The following KIAA1958 variants were observed in gnomAD, a reference collection of about 807,000 sequenced individuals.
The protein encoded by KIAA1958 is KIAA1958.
Under a neutral mutation model 47.2 loss-of-function variants are expected in KIAA1958, and 14 were observed. The ratio of observed to expected loss-of-function variants is 0.30; its 90% CI spans 0.20 to 0.46. The LOEUF (loss-of-function observed/expected upper bound fraction) is 0.46, where lower values mean the gene tolerates loss of function less well. Among genes scored for constraint, KIAA1958 ranks in the 20% least tolerant of loss-of-function variants. KIAA1958 has a pLI of 1.00. For missense variants in KIAA1958, 803 were observed against 909.2 expected, an observed-to-expected ratio of 0.88 and a Z score of 1.50; for synonymous variants, 354 against 353.3, an observed-to-expected ratio of 1.00 and a Z score of -0.02.
intron 1 of KIAA1958, among the ~76,000 whole-genome samples, chr9:112,506,274 G>C (rs543397861): frequency 2.8e-4 from 42 of 152,232 alleles, no homozygotes; most frequent in African/African-American, 1.0e-3. Context: ...GGCTAACACG[G>C]TGAAACCCCG....
chr9:112,505,048 A>G (rs61171613), intron 1 of KIAA1958, among the ~76,000 whole-genome samples: 20,349 of 152,022 alleles, frequency 0.13, 1,762 homozygotes, highest in East Asian at 0.23. Context: ...TGGTCCCCTC[A>G]CTCAACTTTC....
chr9:112,585,456 T>C (rs1360799936), intron 2 of KIAA1958, among the ~76,000 whole-genome samples: 3 of 152,158 alleles, frequency 2.0e-5, no homozygotes, highest in Non-Finnish European at 4.4e-5. Flanking sequence ...CCAGGAGAGT[T>C]GCTGCTGGAA....
intron 1 of KIAA1958, among the ~76,000 whole-genome samples, chr9:112,488,858 A>G (rs1813267348): frequency 6.6e-6 from 1 of 152,322 alleles, no homozygotes; most frequent in Non-Finnish European, 1.5e-5. Context: ...AAATTTATCT[A>G]GATTCTTGTC....
chr9:112,610,226 C>T (rs896931393), intron 2 of KIAA1958, among the ~76,000 whole-genome samples: 1 of 150,936 alleles, frequency 6.6e-6, no homozygotes, highest in African/African-American at 2.4e-5. Flanking sequence ...TGCAGATAAC[C>T]CAGTACTCAG....
In KIAA1958 at chr9:112,645,717, C is replaced by T; in HGVS notation, c.1239C>T (p.Thr413=). 1 of 1,613,578 alleles carries T rather than the reference C, an allele frequency of 6.2e-7. No homozygotes were observed. The highest frequency in any genetic ancestry group is 8.5e-7 in the Non-Finnish European group (1 of 1,179,642). ...NINDDLNDLC[T]SAVSPNTTKA... ...ATGATGACTTGAATGATCTGTGTACCAGTGCAGTAAGCCCAAATACTACCA... is the reference window on the plus strand; with the variant it reads ...ATGATGACTTGAATGATCTGTGTACTAGTGCAGTAAGCCCAAATACTACCA... The change falls in exon 3 of 4, where the codon ACC becomes ACT. Residue 413 remains threonine, a synonymous_variant. Transcript: ENST00000337530.
intron 2 of KIAA1958, among the ~76,000 whole-genome samples, chr9:112,636,444 G>T (rs1406335433): frequency 6.6e-6 from 1 of 151,806 alleles, no homozygotes; most frequent in African/African-American, 2.4e-5. Flanking sequence ...CTGTTGTTTT[G>T]CTCCCTGTTT....
At position 112,659,354 on chromosome 9, in the gene KIAA1958, AT is replaced by A; in HGVS notation, c.1437del (p.His479GlnfsTer11). ...TCGGACTTCCTGGCCACCTCGCTCC[AT>A]GCTATTCGCCGAGGCCTGGACCGCA... Reference protein sequence around the residue: ...DGSDFLATSLHAIRRGLDRIL... With the variant: ...DGSDFLATSLXAIRRGLDRIL... On this transcript the variant is annotated frameshift_variant, in exon 4 of 4. Coordinates refer to ENST00000337530, the MANE Select transcript of KIAA1958 (RefSeq NM_133465.4). LOFTEE classifies it high-confidence loss of function. The A allele has an allele frequency of 6.2e-7, 1 of 1,614,124 alleles. No individual in the cohort carries two copies. Among genetic ancestry groups the A allele is most frequent in the Non-Finnish European group, 8.5e-7 (1 of 1,180,028 alleles).
chr9:112,491,860 T>G (rs1001263396), intron 1 of KIAA1958, among the ~76,000 whole-genome samples: 5 of 152,196 alleles, frequency 3.3e-5, no homozygotes, highest in Non-Finnish European at 7.3e-5. Flanking sequence ...ATTCTTGGTT[T>G]TCTTCAAAAC....
At chr9:112,495,099 A>G (rs1440432178) in intron 1 of KIAA1958, among the ~76,000 whole-genome samples, 2 of 148,088 alleles carry the variant, frequency 1.4e-5, no homozygotes, top group Non-Finnish European at 3.0e-5. Context: ...TTTTTTTTTT[A>G]AAGACAGGTT....
chr9:112,638,075 A>G (rs1836835040), intron 2 of KIAA1958, among the ~76,000 whole-genome samples: 1 of 151,898 alleles, frequency 6.6e-6, no homozygotes, highest in South Asian at 2.1e-4. Flanking sequence ...CTTGAACCCA[A>G]GAGGCAAAGT....
At chr9:112,501,210 G>A (rs902356060) in intron 1 of KIAA1958, among the ~76,000 whole-genome samples, 1 of 151,924 alleles carries the variant, frequency 6.6e-6, no homozygotes, top group East Asian at 1.9e-4. Flanking sequence ...AGGCTGAGGT[G>A]AGAGGATTGT....
rs1485291876 is a variant in KIAA1958, at chr9:112,666,318, C to G, written c.*6249C>G. ...ATTTTCTCTTTGGAGACTTACAAAGCAATAGGTTATATGAAACTCTGAGAT... is the reference window on the plus strand; with the variant it reads ...ATTTTCTCTTTGGAGACTTACAAAGGAATAGGTTATATGAAACTCTGAGAT... On this transcript the variant is annotated 3_prime_UTR_variant, in exon 4 of 4. Transcript: ENST00000337530. 1 of 152,044 alleles carries G rather than the reference C, an allele frequency of 6.6e-6. No homozygotes were observed. The highest frequency in any genetic ancestry group is 1.5e-5 in the Non-Finnish European group (1 of 68,018). The allele number at this position is 152,044 out of a possible 1,614,324, so 9.4% of individuals were successfully genotyped here. A position where few individuals can be genotyped will look rare whatever the true frequency, so the allele number is the denominator to read the frequency against.
At chr9:112,626,978 A>T (rs1211157581) in intron 2 of KIAA1958, among the ~76,000 whole-genome samples, 1 of 152,168 alleles carries the variant, frequency 6.6e-6, no homozygotes, top group Non-Finnish European at 1.5e-5. Context: ...GCTATCACTT[A>T]TTGTAGTTAA....
At chr9:112,605,924 C>T (rs1836226664) in intron 2 of KIAA1958, among the ~76,000 whole-genome samples, 1 of 152,158 alleles carries the variant, frequency 6.6e-6, no homozygotes, top group Admixed American at 6.6e-5. Context: ...GCACTTCTGC[C>T]AGTTTGTCCA....
At chr9:112,514,360 G>GC (rs1428336170) in intron 1 of KIAA1958, among the ~76,000 whole-genome samples, 13 of 16,418 alleles carry the variant, frequency 7.9e-4, no homozygotes, top group Non-Finnish European at 1.4e-3. Context: ...TGGGGGGTCG[G>GC]CCCCCCCGCC....
chr9:112,546,068 G>GAT (rs1358210202), intron 1 of KIAA1958, among the ~76,000 whole-genome samples: 2 of 151,896 alleles, frequency 1.3e-5, no homozygotes, highest in Non-Finnish European at 2.9e-5. Flanking sequence ...CTAGAAATGA[G>GAT]ATAGGAGTTC....
At chr9:112,630,408 G>A (rs1401901191) in intron 2 of KIAA1958, among the ~76,000 whole-genome samples, 3 of 152,206 alleles carry the variant, frequency 2.0e-5, no homozygotes, top group African/African-American at 4.8e-5. Flanking sequence ...ACTTTGGAAG[G>A]CCAAGGCAGG....
intron 2 of KIAA1958, among the ~76,000 whole-genome samples, chr9:112,640,348 T>A (rs1480362590): frequency 6.6e-6 from 1 of 152,188 alleles, no homozygotes; most frequent in Non-Finnish European, 1.5e-5. Context: ...ATTACTATTT[T>A]TGACTCCTCA....
intron 2 of KIAA1958, among the ~76,000 whole-genome samples, chr9:112,645,135 CA>C (rs11327633): frequency 0.63 from 86,504 of 136,326 alleles, 25,849 homozygotes; most frequent in Non-Finnish European, 0.67. Context: ...AACTTTGTCT[CA>C]AAAAAAAAAA....
Sources: gnomAD v4.1 joint callset for allele counts (sites outside exome capture counted in the v4.1 genomes callset) on GRCh38, gnomAD v4.1.1 for gene constraint, MANE v1.5 for transcripts, NCBI Gene and HGNC (gene_info 2026-07-23, HGNC 2026-07-21) for gene names.